The following KCNQ1 variants were observed in gnomAD, a reference collection of about 807,000 sequenced individuals.
The protein encoded by KCNQ1 is potassium voltage-gated channel subfamily Q member 1.
A neutral mutation model predicts 72.4 loss-of-function variants in KCNQ1; 49 were observed. The observed-to-expected ratio is 0.68, with a 90% CI of 0.54 to 0.86. The LOEUF (loss-of-function observed/expected upper bound fraction) is 0.86, where lower values mean the gene tolerates loss of function less well. Among genes scored for constraint, KCNQ1 ranks in the 40% least tolerant of loss-of-function variants. The probability of loss-of-function intolerance (pLI) is 0.00; values close to 1 mark genes in which losing one functional copy is unlikely to be tolerated. For missense variants in KCNQ1, 790 were observed against 945.1 expected, an observed-to-expected ratio of 0.84 and a Z score of 2.15; for synonymous variants, 450 against 412.6, an observed-to-expected ratio of 1.09 and a Z score of -1.10.
intron 2 of KCNQ1, among the ~76,000 whole-genome samples, chr11:2,548,042 G>A (rs1377270027): frequency 6.6e-6 from 1 of 152,058 alleles, no homozygotes; most frequent in East Asian, 1.9e-4. Context: ...GCGACTCTGG[G>A]GAGTTAGGGT....
chr11:2,676,926 G>C lies in KCNQ1; in HGVS notation c.1514+14845G>C, dbSNP rs1423737757. On this transcript the variant is annotated intron_variant, in intron 11 of 15. Transcript: ENST00000155840. The surrounding 1 kb of genome is among the most constrained non-coding windows in gnomAD (Gnocchi z 4.2). The stretch of plus-strand genomic sequence containing the variant: ...TGCACCACTTAAAAGGAAGACACTG[G>C]TATGTTCTGGAGATGGATCTGTATT... 1 of 398,478 alleles carries C rather than the reference G, an allele frequency of 2.5e-6. No homozygotes were observed. Among genetic ancestry groups the C allele is most frequent in the East Asian group, 3.6e-5 (1 of 28,094 alleles). 24.7% of individuals were successfully genotyped at this position (398,478 alleles called of 1,614,324 possible). A position where few individuals can be genotyped will look rare whatever the true frequency, so the allele number is the denominator to read the frequency against.
chr11:2,824,904 A>G lies in KCNQ1; in HGVS notation c.1795-22863A>G, dbSNP rs1363288872. Among the ~76,000 whole-genome samples, 1 of 152,214 alleles carries G rather than the reference A, an allele frequency of 6.6e-6. No homozygotes were observed. The highest frequency in any genetic ancestry group is 6.5e-5 in the Admixed American group (1 of 15,286). The stretch of plus-strand genomic sequence containing the variant: ...ACACGAGTTCCCCTGCCGGGCACAG[A>G]GCAGGTTCCCAGTGAGTTCTGGGGC... On this transcript the variant is annotated intron_variant, in intron 15 of 15. Transcript: ENST00000155840. The surrounding 1 kb of genome is among the most constrained non-coding windows in gnomAD (Gnocchi z 5.9).
chr11:2,790,251 G>A (rs1440929018), intron 15 of KCNQ1, among the ~76,000 whole-genome samples: 2 of 152,134 alleles, frequency 1.3e-5, no homozygotes, highest in African/African-American at 4.8e-5. Context: ...TGCTGGGGTT[G>A]TCTACACTGT....
At position 2,668,301 on chromosome 11, in the gene KCNQ1, C is replaced by T. The variant is rs1227739969; in HGVS notation, c.1514+6220C>T. On this transcript the variant is annotated intron_variant, in intron 11 of 15. Coordinates refer to ENST00000155840, the MANE Select transcript of KCNQ1 (RefSeq NM_000218.3). The surrounding 1 kb of genome is among the most constrained non-coding windows in gnomAD (Gnocchi z 4.3). Reference sequence around the variant, plus strand: ...CATGCTTTTGGTGAGCATCAGGTTGCGTTTCTGGGGAATATATGCCTATGT... The same window carrying T: ...CATGCTTTTGGTGAGCATCAGGTTGTGTTTCTGGGGAATATATGCCTATGT... 1.8e-5 allele frequency: 7 copies of T among 398,456 alleles called. No individual in the cohort carries two copies. The highest frequency in any genetic ancestry group is 3.6e-5 in the East Asian group (1 of 28,088). The allele number at this position is 398,456 out of a possible 1,614,324, so 24.7% of individuals were successfully genotyped here. A position where few individuals can be genotyped will look rare whatever the true frequency, so the allele number is the denominator to read the frequency against.
chr11:2,767,548 G>T lies in KCNQ1; in HGVS notation c.1515-1296G>T, dbSNP rs532665081. Among the ~76,000 whole-genome samples the T allele has an allele frequency of 5.3e-5, 8 of 152,242 alleles. No individual in the cohort carries two copies. In the South Asian group the frequency reaches 1.7e-3, roughly 32 times the overall value. On this transcript the variant is annotated intron_variant, in intron 11 of 15. Coordinates refer to ENST00000155840, the MANE Select transcript of KCNQ1 (RefSeq NM_000218.3). The surrounding 1 kb of genome is among the most constrained non-coding windows in gnomAD (Gnocchi z 4.6). ...TTCGTGTATAAAATTGTAGATGCTC[G>T]AGGGTATTATCTCCCTACAGATAAT...
chr11:2,632,453 A>T (rs2133818032), intron 10 of KCNQ1: 1 of 398,456 alleles, frequency 2.5e-6, no homozygotes. Flanking sequence ...TCTTAGAGGA[A>T]AAGCTCTTAG....
intron 11 of KCNQ1, chr11:2,680,863 C>G (rs2133880389): frequency 2.5e-6 from 1 of 398,588 alleles, no homozygotes; most frequent in East Asian, 3.6e-5. Flanking sequence ...GCACAATTCC[C>G]TGAAGATTCA....
Position 2,677,336 on chromosome 11 carries a change from A to G in KCNQ1, c.1514+15255A>G, listed in dbSNP as rs1850311428. On this transcript the variant is annotated intron_variant, in intron 11 of 15. Coordinates refer to ENST00000155840, the MANE Select transcript of KCNQ1 (RefSeq NM_000218.3). This position sits in a 1 kb window ranked among gnomAD's most constrained non-coding sequence, Gnocchi z 4.5. Reference sequence around the variant, plus strand: ...GAAAATGATGTCAAATGATTTCTCAAATAGAGACTGGGCAGAGTAGACCAG... The same window carrying G: ...GAAAATGATGTCAAATGATTTCTCAGATAGAGACTGGGCAGAGTAGACCAG... 5.0e-6 allele frequency: 2 copies of G among 398,628 alleles called. No homozygotes were observed. Among genetic ancestry groups the G allele is most frequent in the Non-Finnish European group, 8.8e-6 (2 of 226,062 alleles). The allele number at this position is 398,628 out of a possible 1,614,324, so 24.7% of individuals were successfully genotyped here.
chr11:2,629,197 G>A (rs987411879), intron 10 of KCNQ1: 23 of 397,776 alleles, frequency 5.8e-5, no homozygotes, highest in Non-Finnish European at 8.9e-5. Context: ...TAGCTATTTC[G>A]GCAATATTTA....
intron 11 of KCNQ1, among the ~76,000 whole-genome samples, chr11:2,733,987 C>A (rs1238480752): frequency 1.3e-5 from 2 of 152,004 alleles, no homozygotes; most frequent in African/African-American, 4.8e-5. Flanking sequence ...CCCACGCTTC[C>A]CCTGAACATC....
rs1031764364 is a variant in KCNQ1, at chr11:2,809,120, A to G, written c.1794+31083A>G. On this transcript the variant is annotated intron_variant, in intron 15 of 15. Transcript: ENST00000155840. This position sits in a 1 kb window ranked among gnomAD's most constrained non-coding sequence, Gnocchi z 7.1. ...AGTGAGTAGATGAATGAGTGGGCAG[A>G]CAGACAGACACACCATCAGAAGCAA... Among the ~76,000 whole-genome samples the G allele has an allele frequency of 1.3e-5, 2 of 152,180 alleles. No homozygotes were observed. Among genetic ancestry groups the G allele is most frequent in the Non-Finnish European group, 1.5e-5 (1 of 68,034 alleles).
In KCNQ1 at chr11:2,451,294, G is replaced by A. The variant is rs1240546636; in HGVS notation, c.386+5810G>A. Among the ~76,000 whole-genome samples the A allele has an allele frequency of 6.6e-6, 1 of 152,194 alleles. No homozygotes were observed. The highest frequency in any genetic ancestry group is 1.5e-5 in the Non-Finnish European group (1 of 68,032). ...AGCGTGCAACCTAGATCCCTTGTGTGCGCAGTTCACAATAGGATTTGTGCT... is the reference window on the plus strand; with the variant it reads ...AGCGTGCAACCTAGATCCCTTGTGTACGCAGTTCACAATAGGATTTGTGCT... On this transcript the variant is annotated intron_variant, in intron 1 of 15. Coordinates refer to ENST00000155840, the MANE Select transcript of KCNQ1 (RefSeq NM_000218.3). This position sits in a 1 kb window ranked among gnomAD's most constrained non-coding sequence, Gnocchi z 6.4.
intron 10 of KCNQ1, among the ~76,000 whole-genome samples, chr11:2,604,857 T>C (rs1327380386): frequency 2.6e-5 from 4 of 152,202 alleles, no homozygotes; most frequent in Non-Finnish European, 4.4e-5. Context: ...ACTATCTTTT[T>C]GAAGAACTGA....
rs201286236 is a variant in KCNQ1, at chr11:2,454,941, T to G, written c.386+9457T>G. The stretch of plus-strand genomic sequence containing the variant: ...AGAAAAATCAGGCAAGAGAAAGAAA[T>G]AAAAGGGGATCCAAATAGGAAAAGA... On this transcript the variant is annotated intron_variant, in intron 1 of 15. Coordinates refer to ENST00000155840, the MANE Select transcript of KCNQ1 (RefSeq NM_000218.3). Among the ~76,000 whole-genome samples, 9 of 151,812 alleles carry G rather than the reference T, an allele frequency of 5.9e-5. No individual in the cohort carries two copies. In the East Asian group the frequency reaches 1.4e-3, roughly 23 times the overall value.
rs773525523 is a variant in KCNQ1, at chr11:2,492,506, C to T, written c.387-35422C>T. 6.6e-6 allele frequency among the ~76,000 whole-genome samples: 1 copy of T among 152,270 alleles called. No individual in the cohort carries two copies. Among genetic ancestry groups the T allele is most frequent in the Non-Finnish European group, 1.5e-5 (1 of 68,030 alleles). ...AGGTATTTGTCCTAATGCTCTCCCT[C>T]CCCTTGGCCCCCATCTCCCCACAGA... On this transcript the variant is annotated intron_variant, in intron 1 of 15. Transcript: ENST00000155840. This position sits in a 1 kb window ranked among gnomAD's most constrained non-coding sequence, Gnocchi z 4.1.
rs922861841 is a variant in KCNQ1 at position 2,658,144 on chromosome 11, A to G, written c.1394-3817A>G. On this transcript the variant is annotated intron_variant, in intron 10 of 15. Transcript: ENST00000155840. This position sits in a 1 kb window ranked among gnomAD's most constrained non-coding sequence, Gnocchi z 4.9. ...TCTGCAAATATGTTAAAACTACCAC[A>G]GCAATTAAAATACATTTCAAGGAAG... The G allele has an allele frequency of 1.0e-5, 4 of 398,538 alleles. No individual in the cohort carries two copies. The highest frequency in any genetic ancestry group is 8.2e-5 in the African/African-American group (4 of 48,656). 24.7% of individuals were successfully genotyped at this position (398,538 alleles called of 1,614,324 possible).
intron 11 of KCNQ1, among the ~76,000 whole-genome samples, chr11:2,707,979 G>C (rs753253594): frequency 8.5e-5 from 13 of 152,224 alleles, no homozygotes; most frequent in Non-Finnish European, 1.8e-4. Context: ...GTGTGGCCGG[G>C]TGAATGTGCA....
In KCNQ1 at chr11:2,478,151, C is replaced by T. The variant is rs75733517; in HGVS notation, c.386+32667C>T. On this transcript the variant is annotated intron_variant, in intron 1 of 15. Transcript: ENST00000155840. This position sits in a 1 kb window ranked among gnomAD's most constrained non-coding sequence, Gnocchi z 4.0. ...TGCCAAAGACACAGCTGTCCAGGGT[C>T]GAATCATCCGGAGACACAGGGCAAA... Among the ~76,000 whole-genome samples the T allele has an allele frequency of 1.9e-3, 282 of 152,170 alleles. No homozygotes were observed. Among genetic ancestry groups the T allele is most frequent in the Non-Finnish European group, 3.0e-3 (203 of 68,004 alleles).
At chr11:2,461,416 G>A (rs558975558) in intron 1 of KCNQ1, 68 of 1,276,680 alleles carry the variant, frequency 5.3e-5, no homozygotes, top group South Asian at 3.6e-4. Context: ...TGGGTGAGCC[G>A]GCCGGGGCGG....
Sources: gnomAD v4.1 joint callset for allele counts (sites outside exome capture counted in the v4.1 genomes callset) on GRCh38, gnomAD v4.1.1 for gene constraint, Gnocchi (gnomAD v3.1) non-coding constraint, MANE v1.5 for transcripts, NCBI Gene and HGNC (gene_info 2026-07-23, HGNC 2026-07-21) for gene names.